MIR2052HG: variants seen among roughly 807,000 people sequenced by gnomAD.
The protein encoded by MIR2052HG is MIR2052 host gene.
chr8:74,642,664 G>T (rs1808650774), intron 2 of MIR2052HG, among the ~76,000 whole-genome samples: 4 of 152,094 alleles, frequency 2.6e-5, no homozygotes, highest in Admixed American at 2.6e-4. Context: ...GTACCACCAA[G>T]AATTAGTTAT....
At chr8:74,610,718 G>A (rs1808182140) in intron 1 of MIR2052HG, among the ~76,000 whole-genome samples, 1 of 151,934 alleles carries the variant, frequency 6.6e-6, no homozygotes, top group Non-Finnish European at 1.5e-5. Flanking sequence ...GGAACCAAAG[G>A]CAATTCAGTG....
intron 2 of MIR2052HG, among the ~76,000 whole-genome samples, chr8:74,701,187 T>G (rs1048886859): frequency 3.3e-5 from 5 of 152,142 alleles, no homozygotes; most frequent in Non-Finnish European, 7.4e-5. Flanking sequence ...ATTTAGAATC[T>G]TCTGTACACT....
At chr8:74,750,204 A>G (rs757590536) in intron 4 of MIR2052HG, among the ~76,000 whole-genome samples, 13 of 152,220 alleles carry the variant, frequency 8.5e-5, no homozygotes, top group Non-Finnish European at 1.9e-4. Context: ...AATATTTTAT[A>G]CTGAGTGGTT....
At chr8:74,600,268 A>ATTCCT in intron 1 of MIR2052HG, among the ~76,000 whole-genome samples, 1 of 149,408 alleles carries the variant, frequency 6.7e-6, no homozygotes, top group Non-Finnish European at 1.5e-5. Context: ...GCTCTGTTTT[A>ATTCCT]TTTCTTTTCT....
At chr8:74,708,047 A>G (rs1369750971) in intron 4 of MIR2052HG, among the ~76,000 whole-genome samples, 1 of 152,096 alleles carries the variant, frequency 6.6e-6, no homozygotes, top group Non-Finnish European at 1.5e-5. Flanking sequence ...AAAAGTAAAG[A>G]GGAAGACCTA....
chr8:74,700,435 T>C (rs547630772), intron 2 of MIR2052HG, among the ~76,000 whole-genome samples: 2 of 152,158 alleles, frequency 1.3e-5, no homozygotes, highest in Non-Finnish European at 2.9e-5. Context: ...CATGTAAACT[T>C]TTCTGATAGC....
chr8:74,690,597 G>A (rs1382036546), intron 2 of MIR2052HG, among the ~76,000 whole-genome samples: 2 of 152,024 alleles, frequency 1.3e-5, no homozygotes, highest in African/African-American at 4.8e-5. Flanking sequence ...GCAGATCCGA[G>A]CCGAGATCGC....
At chr8:74,713,288 C>T (rs903026455) in intron 4 of MIR2052HG, among the ~76,000 whole-genome samples, 4 of 152,164 alleles carry the variant, frequency 2.6e-5, no homozygotes, top group Non-Finnish European at 5.9e-5. Flanking sequence ...ATCATCACCT[C>T]TTTTGAACAA....
chr8:74,614,373 A>G (rs1341487826), intron 2 of MIR2052HG, among the ~76,000 whole-genome samples: 2 of 152,058 alleles, frequency 1.3e-5, no homozygotes, highest in Non-Finnish European at 2.9e-5. Context: ...CCTGTTCTCT[A>G]AGACAGTGAT....
chr8:74,663,434 C>A lies in MIR2052HG; in HGVS notation n.217-38945C>A, dbSNP rs1586907125. 2.6e-5 allele frequency among the ~76,000 whole-genome samples: 4 copies of A among 152,180 alleles called. No homozygotes were observed. In the South Asian group the frequency reaches 8.3e-4, roughly 32 times the overall value. On this transcript the variant is annotated intron_variant and non_coding_transcript_variant, in intron 2 of 6. Transcript: ENST00000523442. ...ATTTGTAAGTCTATGGATATTAAAA[C>A]TAAAATAGAATTCATGGTTGCTCTT...
intron 4 of MIR2052HG, among the ~76,000 whole-genome samples, chr8:74,720,459 T>C (rs1312578569): frequency 6.6e-6 from 1 of 152,186 alleles, no homozygotes; most frequent in Non-Finnish European, 1.5e-5. Context: ...TTTGTTAATA[T>C]AGTGGTAAAT....
At chr8:74,702,337 G>A (rs1002942106) in intron 2 of MIR2052HG, 3 of 417,756 alleles carry the variant, frequency 7.2e-6, no homozygotes, top group African/African-American at 6.1e-5. Context: ...CAATGACCTT[G>A]ATGTACTTTG....
At chr8:74,663,880 C>T (rs1036499945) in intron 2 of MIR2052HG, among the ~76,000 whole-genome samples, 10 of 152,178 alleles carry the variant, frequency 6.6e-5, no homozygotes, top group African/African-American at 2.4e-4. Flanking sequence ...GATTAAACCT[C>T]AGGGATCTCT....
intron 2 of MIR2052HG, among the ~76,000 whole-genome samples, chr8:74,641,060 T>C (rs754615351): frequency 1.1e-4 from 16 of 152,162 alleles, no homozygotes; most frequent in Non-Finnish European, 2.1e-4. Flanking sequence ...TAAGTATAAA[T>C]GAAATGCAAA....
intron 2 of MIR2052HG, among the ~76,000 whole-genome samples, chr8:74,622,789 G>A (rs117595470): frequency 0.015 from 2,250 of 152,102 alleles, 19 homozygotes; most frequent in Non-Finnish European, 0.019. Context: ...TGGTGGAAAT[G>A]TAAGTTAGTA....
At chr8:74,646,838 G>A (rs1207399362) in intron 2 of MIR2052HG, among the ~76,000 whole-genome samples, 1 of 152,132 alleles carries the variant, frequency 6.6e-6, no homozygotes, top group Non-Finnish European at 1.5e-5. Flanking sequence ...TGAGGTGGGA[G>A]AATTGCTTGA....
At chr8:74,714,626 A>C (rs1563538053) in intron 4 of MIR2052HG, among the ~76,000 whole-genome samples, 1 of 150,374 alleles carries the variant, frequency 6.7e-6, no homozygotes, top group Non-Finnish European at 1.5e-5. Flanking sequence ...TCAGGGTGTG[A>C]GGAGTAGGTT....
intron 2 of MIR2052HG, among the ~76,000 whole-genome samples, chr8:74,635,729 A>G (rs757410626): frequency 3.3e-5 from 5 of 152,172 alleles, no homozygotes; most frequent in Non-Finnish European, 5.9e-5. Flanking sequence ...CTGAAATCCA[A>G]CCTTTGGTCA....
At chr8:74,655,459 G>A (rs1808795633) in intron 2 of MIR2052HG, among the ~76,000 whole-genome samples, 1 of 152,176 alleles carries the variant, frequency 6.6e-6, no homozygotes, top group Non-Finnish European at 1.5e-5. Context: ...AGTGCCCTGT[G>A]TCCCACCTGC....
Sources: gnomAD v4.1 joint callset for allele counts (sites outside exome capture counted in the v4.1 genomes callset) on GRCh38, gnomAD v4.1.1 for gene constraint, MANE v1.5 for transcripts, NCBI Gene and HGNC (gene_info 2026-07-23, HGNC 2026-07-21) for gene names.